Variants in ASAP1 observed in about 807,000 individuals in gnomAD.
ASAP1 encodes ArfGAP with SH3 domain, ankyrin repeat and PH domain 1, also known as arf-GAP with SH3 domain, ANK repeat and PH domain-containing protein 1.
ASAP1 carries 43 observed loss-of-function variants against 145.2 expected under a neutral mutation model. The ratio of observed to expected loss-of-function variants is 0.30; its 90% CI spans 0.23 to 0.38. The LOEUF (loss-of-function observed/expected upper bound fraction) is 0.38. Ranked by LOEUF, ASAP1 falls within the 10% of genes least tolerant of loss-of-function variation. ASAP1 has a pLI of 1.00. For missense variants in ASAP1, 1,018 were observed against 1,355.3 expected, an observed-to-expected ratio of 0.75 and a Z score of 3.91; for synonymous variants, 546 against 515.5, an observed-to-expected ratio of 1.06 and a Z score of -0.80.
At chr8:130,276,081 T>C (rs768608058) in intron 3 of ASAP1, among the ~76,000 whole-genome samples, 3 of 152,158 alleles carry the variant, frequency 2.0e-5, no homozygotes, top group Non-Finnish European at 2.9e-5. Flanking sequence ...CCCAGTTCCA[T>C]GAATGGATGC....
chr8:130,131,225 G>C (rs966536643), intron 15 of ASAP1, among the ~76,000 whole-genome samples: 9 of 152,122 alleles, frequency 5.9e-5, no homozygotes, highest in African/African-American at 1.9e-4. Flanking sequence ...TGGACAAGAA[G>C]CCAAATGAGT....
chr8:130,362,061 A>T (rs1826740975), intron 2 of ASAP1, among the ~76,000 whole-genome samples: 1 of 152,156 alleles, frequency 6.6e-6, no homozygotes, highest in Admixed American at 6.5e-5. Flanking sequence ...CTTGAAAAAA[A>T]GGCAGCAGGA....
chr8:130,387,039 C>A (rs1160553880), intron 2 of ASAP1, among the ~76,000 whole-genome samples: 2 of 152,166 alleles, frequency 1.3e-5, no homozygotes, highest in Non-Finnish European at 2.9e-5. Context: ...TCTTTATTTT[C>A]TTAAAAACAG....
chr8:130,331,175 A>C (rs1824664766), intron 3 of ASAP1, among the ~76,000 whole-genome samples: 1 of 152,210 alleles, frequency 6.6e-6, no homozygotes, highest in Non-Finnish European at 1.5e-5. Flanking sequence ...GTGGGCTCCA[A>C]AGTTAAGGAA....
At chr8:130,159,101 C>T (rs547042453) in intron 12 of ASAP1, among the ~76,000 whole-genome samples, 38 of 152,156 alleles carry the variant, frequency 2.5e-4, no homozygotes, top group African/African-American at 8.9e-4. Context: ...GAAGAATGAG[C>T]GATACAAAGA....
intron 3 of ASAP1, among the ~76,000 whole-genome samples, chr8:130,308,022 A>G (rs1039468908): frequency 6.6e-6 from 1 of 152,264 alleles, no homozygotes; most frequent in Admixed American, 6.5e-5. Flanking sequence ...AAATGCTTAC[A>G]TTTTAAAACC....
chr8:130,090,539 T>C (rs185656951), intron 25 of ASAP1, among the ~76,000 whole-genome samples: 2 of 152,344 alleles, frequency 1.3e-5, no homozygotes, highest in South Asian at 2.1e-4. Flanking sequence ...CAAACTCCAA[T>C]GTCTCCTCTT....
chr8:130,179,661 A>AAGATTTTTTTTTT (rs1814210117), intron 8 of ASAP1, among the ~76,000 whole-genome samples: 2 of 152,178 alleles, frequency 1.3e-5, no homozygotes, highest in African/African-American at 4.8e-5. Context: ...GTGGTCAAAA[A>AAGATTTTTTTTTT]CTGGAAAGAT....
rs377622334 is a variant in ASAP1 at position 130,061,020 on chromosome 8, C to G, written c.2751G>C (p.Pro917=). ...DHLSLDKATI[P]PEIFQKSSQL... is the part of the protein sequence containing the mutation. ...GTGATGATTTCTGAAAGATTTCGGGCGGGATGGTGGCTTTGTCTAGGGAGA... is the reference window on the plus strand; with the variant it reads ...GTGATGATTTCTGAAAGATTTCGGGGGGGATGGTGGCTTTGTCTAGGGAGA... The change falls in exon 28 of 30, where the codon CCG becomes CCC. Residue 917 remains proline, a synonymous_variant. Coordinates refer to ENST00000518721, the MANE Select transcript of ASAP1 (RefSeq NM_018482.4). 6.5e-7 allele frequency: 1 copy of G among 1,548,864 alleles called. No individual in the cohort carries two copies. The highest frequency in any genetic ancestry group is 1.3e-5 in the South Asian group (1 of 78,372).
intron 5 of ASAP1, among the ~76,000 whole-genome samples, chr8:130,211,828 C>T (rs1034328590): frequency 6.6e-6 from 1 of 152,172 alleles, no homozygotes; most frequent in African/African-American, 2.4e-5. Context: ...ACCAAAGCAC[C>T]TTCTCTTTAA....
rs111489250 is a variant in ASAP1, at chr8:130,054,103, A to C, written c.*628T>G. The C allele has an allele frequency of 6.5e-6, 1 of 152,862 alleles. No individual in the cohort carries two copies. The highest frequency in any genetic ancestry group is 1.5e-5 in the Non-Finnish European group (1 of 68,206). The allele number at this position is 152,862 out of a possible 1,614,324, so 9.5% of individuals were successfully genotyped here. On this transcript the variant is annotated 3_prime_UTR_variant, in exon 30 of 30. Coordinates refer to ENST00000518721, the MANE Select transcript of ASAP1 (RefSeq NM_018482.4). ...TAAGACAGTATAAATCCACTTGTCT[A>C]AACTTGCATGAGGCTGTGTGCATTG...
chr8:130,066,723 G>C (rs2097431699), intron 27 of ASAP1, among the ~76,000 whole-genome samples: 2 of 151,962 alleles, frequency 1.3e-5, no homozygotes, highest in African/African-American at 4.8e-5. Context: ...TAACCTAAAG[G>C]CATGGGCAGT....
chr8:130,214,284 T>C (rs1816756700), intron 5 of ASAP1, among the ~76,000 whole-genome samples: 1 of 152,126 alleles, frequency 6.6e-6, no homozygotes, highest in African/African-American at 2.4e-5. Flanking sequence ...AAGCAGTTTC[T>C]CTCTCAGCTT....
chr8:130,438,500 C>T (rs190684574), intron 1 of ASAP1, among the ~76,000 whole-genome samples: 146 of 152,292 alleles, frequency 9.6e-4, no homozygotes, highest in South Asian at 2.3e-3. Flanking sequence ...GGGATGCGTG[C>T]TGTGCTAGGA....
At chr8:130,059,508 G>A (rs1306005078) in intron 28 of ASAP1, among the ~76,000 whole-genome samples, 1 of 151,968 alleles carries the variant, frequency 6.6e-6, no homozygotes, top group Non-Finnish European at 1.5e-5. Flanking sequence ...TGTTACCCAG[G>A]CTGGAGTGTA....
intron 3 of ASAP1, among the ~76,000 whole-genome samples, chr8:130,334,981 TC>T (rs1824941501): frequency 6.6e-6 from 1 of 152,188 alleles, no homozygotes. Flanking sequence ...TTCATTGCCT[TC>T]CTGTGCTTCC....
intron 3 of ASAP1, among the ~76,000 whole-genome samples, chr8:130,267,134 CAA>C (rs990415215): frequency 1.9e-5 from 2 of 106,428 alleles, no homozygotes; most frequent in Non-Finnish European, 4.5e-5. Context: ...AAAAAAAAAA[CAA>C]AACAAAAAAC....
intron 3 of ASAP1, among the ~76,000 whole-genome samples, chr8:130,244,998 T>A (rs1312219024): frequency 2.6e-5 from 4 of 152,044 alleles, no homozygotes; most frequent in Admixed American, 6.6e-5. Context: ...CTAAGAATCA[T>A]CCTGTGTAAC....
intron 24 of ASAP1, among the ~76,000 whole-genome samples, chr8:130,099,174 T>C (rs1362607346): frequency 6.6e-6 from 1 of 151,402 alleles, no homozygotes; most frequent in African/African-American, 2.4e-5. Context: ...CCACCAGGCC[T>C]AGCTAATTTT....
Sources: allele counts gnomAD v4.1 joint callset (sites outside exome capture counted in the v4.1 genomes callset), GRCh38; gene constraint gnomAD v4.1.1; transcripts MANE v1.5; gene names NCBI Gene and HGNC (gene_info 2026-07-23, HGNC 2026-07-21).